SDCCAG8: variants seen among roughly 807,000 people sequenced by gnomAD.
The protein encoded by SDCCAG8 is serologically defined colon cancer antigen 8.
In SDCCAG8, 74 loss-of-function variants were observed where a neutral mutation model predicts 101.8. The observed-to-expected ratio is 0.73, with a 90% CI of 0.60 to 0.88. The LOEUF is 0.88. SDCCAG8 is among the 40% of genes least tolerant of loss of function. The probability of loss-of-function intolerance (pLI) is 0.00; values close to 1 mark genes in which losing one functional copy is unlikely to be tolerated. For missense variants in SDCCAG8, 787 were observed against 822.6 expected (o/e 0.96, Z 0.53); for synonymous variants, 281 against 292.9 (o/e 0.96, Z 0.41).
intron 12 of SDCCAG8, among the ~76,000 whole-genome samples, chr1:243,367,444 C>T (rs1044768242): frequency 4.6e-5 from 7 of 151,272 alleles, no homozygotes; most frequent in Non-Finnish European, 1.0e-4. Context: ...TTTTTTTTTA[C>T]ATAAAGTAAA....
At chr1:243,261,958 G>T (rs1222772314) in intron 1 of SDCCAG8, among the ~76,000 whole-genome samples, 8 of 136,710 alleles carry the variant, frequency 5.9e-5, no homozygotes, top group Non-Finnish European at 1.1e-4. Context: ...TTACAGGCAC[G>T]TGCCAACACA....
intron 12 of SDCCAG8, among the ~76,000 whole-genome samples, chr1:243,344,935 A>G (rs2075611108): frequency 6.6e-6 from 1 of 152,180 alleles, no homozygotes; most frequent in Admixed American, 6.5e-5. Context: ...TTTAGTTGAC[A>G]ACATGGATAA....
intron 10 of SDCCAG8, among the ~76,000 whole-genome samples, chr1:243,335,043 C>T (rs1452749372): frequency 2.0e-5 from 3 of 152,126 alleles, no homozygotes; most frequent in Admixed American, 2.0e-4. Context: ...ATCCTCAATG[C>T]CTGGCACATT....
chr1:243,480,624 T>G (rs937227620), intron 16 of SDCCAG8, among the ~76,000 whole-genome samples: 497 of 3,352 alleles, frequency 0.15, no homozygotes, highest in East Asian at 0.28. Context: ...GGATGGGTGG[T>G]ATGGATGGAT....
At chr1:243,381,408 A>G (rs927923510) in intron 13 of SDCCAG8, among the ~76,000 whole-genome samples, 1 of 152,000 alleles carries the variant, frequency 6.6e-6, no homozygotes, top group Non-Finnish European at 1.5e-5. Flanking sequence ...GAGCAACACA[A>G]TGAGACCCCA....
intron 6 of SDCCAG8, among the ~76,000 whole-genome samples, chr1:243,294,819 T>C (rs890976498): frequency 6.6e-6 from 1 of 152,062 alleles, no homozygotes; most frequent in Non-Finnish European, 1.5e-5. Context: ...TTTATTCTTC[T>C]CTTGCTAACC....
rs753823410 is a variant in SDCCAG8 at position 243,256,179 on chromosome 1, G to A, written c.6G>A (p.Ala2=). Residue 2 remains alanine (A), a synonymous_variant, in exon 1 of 18, where the codon GCG becomes GCA. Coordinates refer to ENST00000366541, the MANE Select transcript of SDCCAG8 (RefSeq NM_006642.5). The stretch of plus-strand genomic sequence containing the variant: ...TCTGGGCCTAGAGTGCGTGCATGGC[G>A]AAGTCCCCGGAGAACTCTACCCTGG... The part of the protein sequence containing the change: M[A]KSPENSTLEE... The A allele has an allele frequency of 1.2e-6, 2 of 1,614,132 alleles. No homozygotes were observed. The highest frequency in any genetic ancestry group is 2.2e-5 in the South Asian group (2 of 91,090).
chr1:243,387,843 G>C (rs536860323), intron 13 of SDCCAG8, among the ~76,000 whole-genome samples: 1 of 152,108 alleles, frequency 6.6e-6, no homozygotes, highest in African/African-American at 2.4e-5. Flanking sequence ...ACCCTCCCAA[G>C]TAGCTGGGAT....
intron 17 of SDCCAG8, among the ~76,000 whole-genome samples, chr1:243,496,513 CAG>C (rs1439836672): frequency 1.3e-5 from 2 of 152,202 alleles, no homozygotes; most frequent in African/African-American, 2.4e-5. Flanking sequence ...CTTGGCCAAA[CAG>C]AGACAGCGTG....
chr1:243,463,682 T>C (rs971175358), intron 16 of SDCCAG8, among the ~76,000 whole-genome samples: 4 of 152,238 alleles, frequency 2.6e-5, no homozygotes, highest in African/African-American at 7.2e-5. Flanking sequence ...GTAATATTAC[T>C]CATTAAATTC....
intron 13 of SDCCAG8, among the ~76,000 whole-genome samples, chr1:243,406,540 C>T (rs552275430): frequency 6.6e-6 from 1 of 152,172 alleles, no homozygotes; most frequent in Admixed American, 6.5e-5. Flanking sequence ...GTTGTCCCTT[C>T]CCCATCTGTT....
intron 4 of SDCCAG8, among the ~76,000 whole-genome samples, chr1:243,284,316 C>T (rs12134228): frequency 0.092 from 14,072 of 152,200 alleles, 837 homozygotes; most frequent in Non-Finnish European, 0.13. Flanking sequence ...CTTCAGTGTC[C>T]TGGTCTTGTC....
At chr1:243,413,459 G>T (rs538406847) in intron 13 of SDCCAG8, among the ~76,000 whole-genome samples, 35 of 152,244 alleles carry the variant, frequency 2.3e-4, no homozygotes, top group Admixed American at 1.7e-3. Flanking sequence ...GCCCACCTTG[G>T]CCTCCCAAAG....
chr1:243,257,815 C>G (rs967399717), intron 1 of SDCCAG8, among the ~76,000 whole-genome samples: 4 of 152,120 alleles, frequency 2.6e-5, no homozygotes, highest in Non-Finnish European at 4.4e-5. Flanking sequence ...CATTTGGAAG[C>G]AAGAAAAATA....
rs1661886344 is a variant in SDCCAG8 at position 243,474,263 on chromosome 1, A to G, written c.1986-14751A>G. Among the ~76,000 whole-genome samples the G allele has an allele frequency of 6.6e-6, 1 of 152,142 alleles. No homozygotes were observed. The highest frequency in any genetic ancestry group is 1.5e-5 in the Non-Finnish European group (1 of 67,998). The stretch of plus-strand genomic sequence containing the variant: ...TGGGACGTGAGCATGGAGTTAATGA[A>G]GCTTTCACCCATCTCCTCCTCTCAA... On this transcript the variant is annotated intron_variant, in intron 16 of 17. Coordinates refer to ENST00000366541, the MANE Select transcript of SDCCAG8 (RefSeq NM_006642.5). The surrounding 1 kb of genome is among the most constrained non-coding windows in gnomAD (Gnocchi z 4.7).
At chr1:243,256,297 G>A in intron 1 of SDCCAG8, 57 bp downstream of exon 1, 4 of 1,459,958 alleles carry the variant, frequency 2.7e-6, no homozygotes, top group South Asian at 2.3e-5. Context: ...CTAGTGGGCG[G>A]GAGCAGACCA....
At chr1:243,266,098 A>G (rs1014694424) in intron 1 of SDCCAG8, among the ~76,000 whole-genome samples, 7 of 152,208 alleles carry the variant, frequency 4.6e-5, no homozygotes, top group Non-Finnish European at 1.0e-4. Flanking sequence ...AAGTGATGTC[A>G]TAAATTGTGG....
intron 9 of SDCCAG8, among the ~76,000 whole-genome samples, chr1:243,322,161 A>G (rs548510940): frequency 6.6e-6 from 1 of 152,352 alleles, no homozygotes; most frequent in South Asian, 2.1e-4. Context: ...ATAGAAGCCA[A>G]TGCTACGGCA....
At chr1:243,455,160 T>C (rs1574139477) in intron 16 of SDCCAG8, among the ~76,000 whole-genome samples, 1 of 152,364 alleles carries the variant, frequency 6.6e-6, no homozygotes, top group African/African-American at 2.4e-5. Context: ...TGAAAACTTT[T>C]GAAAGCTTTA....
Sources: gnomAD v4.1 joint callset for allele counts (sites outside exome capture counted in the v4.1 genomes callset) on GRCh38, gnomAD v4.1.1 for gene constraint, Gnocchi (gnomAD v3.1) non-coding constraint, MANE v1.5 for transcripts, NCBI Gene and HGNC (gene_info 2026-07-23, HGNC 2026-07-21) for gene names.